The following PIGK variants were observed in gnomAD, a reference collection of about 807,000 sequenced individuals.
PIGK encodes GPI-anchor transamidase.
A neutral mutation model predicts 50.6 loss-of-function variants in PIGK; 42 were observed. The ratio of observed to expected loss-of-function variants is 0.83; its 90% CI spans 0.65 to 1.07. The LOEUF is 1.07. Ranked by LOEUF, PIGK falls within the 50% of genes least tolerant of loss-of-function variation. The pLI is 0.00. For synonymous variants in PIGK, 151 were observed against 156.0 expected, an observed-to-expected ratio of 0.97 and a Z score of 0.24; for missense variants, 448 against 488.7, an observed-to-expected ratio of 0.92 and a Z score of 0.78.
In PIGK at chr1:77,135,825, T is replaced by G. The variant is rs1048168002; in HGVS notation, c.987-13466A>C. Among the ~76,000 whole-genome samples, 3 of 152,162 alleles carry G rather than the reference T, an allele frequency of 2.0e-5. No homozygotes were observed. In the East Asian group the frequency reaches 5.8e-4, roughly 29 times the overall value. On this transcript the variant is annotated intron_variant, in intron 9 of 10. Coordinates refer to ENST00000370812, the MANE Select transcript of PIGK (RefSeq NM_005482.3). The stretch of plus-strand genomic sequence containing the variant: ...AAAAAGCTGAAACTCCAGAATACTT[T>G]AACCAATCACTTCCTCTTCTCTTAC...
At chr1:77,096,893 T>G (rs1179476934) in intron 10 of PIGK, among the ~76,000 whole-genome samples, 4 of 141,592 alleles carry the variant, frequency 2.8e-5, no homozygotes, top group Admixed American at 7.1e-5. Context: ...TTTTTTTTTT[T>G]TTTTGTTTTT....
chr1:77,098,304 G>C (rs986560732), intron 10 of PIGK, among the ~76,000 whole-genome samples: 3 of 151,990 alleles, frequency 2.0e-5, no homozygotes, highest in Admixed American at 6.6e-5. Context: ...AAGCCTAAAG[G>C]CAGTGAGTGA....
intron 10 of PIGK, among the ~76,000 whole-genome samples, chr1:77,099,258 T>A (rs1653489153): frequency 6.6e-6 from 1 of 152,202 alleles, no homozygotes; most frequent in Admixed American, 6.5e-5. Flanking sequence ...ATGTTTCCTA[T>A]AACAATATTC....
chr1:77,202,011 T>C (rs576241905), intron 3 of PIGK, among the ~76,000 whole-genome samples: 2 of 151,708 alleles, frequency 1.3e-5, no homozygotes, highest in African/African-American at 4.9e-5. Flanking sequence ...TGAGCCGTGT[T>C]TGTGTCACTG....
chr1:77,167,490 T>C (rs1168581629), intron 4 of PIGK, among the ~76,000 whole-genome samples: 1 of 152,230 alleles, frequency 6.6e-6, no homozygotes, highest in Non-Finnish European at 1.5e-5. Context: ...ACACCTGTAA[T>C]TCCAACTTCT....
intron 3 of PIGK, among the ~76,000 whole-genome samples, chr1:77,182,416 C>G (rs1438577379): frequency 6.6e-6 from 1 of 152,102 alleles, no homozygotes; most frequent in East Asian, 1.9e-4. Context: ...AAGGGTGGGT[C>G]TGCCTTTCCC....
At chr1:77,195,300 G>A in intron 3 of PIGK, 1 of 1,342,112 alleles carries the variant, frequency 7.5e-7, no homozygotes, top group Non-Finnish European at 1.1e-6. Flanking sequence ...AAGGAGCAGG[G>A]AAGAAAGGCT....
chr1:77,199,500 G>C (rs1656113224), intron 3 of PIGK, among the ~76,000 whole-genome samples: 1 of 151,844 alleles, frequency 6.6e-6, no homozygotes, highest in Non-Finnish European at 1.5e-5. Flanking sequence ...AAAACTTATT[G>C]CAGGATGGAA....
intron 10 of PIGK, among the ~76,000 whole-genome samples, chr1:77,109,956 C>T (rs938717703): frequency 3.3e-5 from 5 of 152,026 alleles, no homozygotes; most frequent in South Asian, 4.1e-4. Flanking sequence ...AGCATTCTTA[C>T]ACACCAATAA....
chr1:77,205,637 A>G (rs1013945882), intron 3 of PIGK, among the ~76,000 whole-genome samples: 4 of 152,144 alleles, frequency 2.6e-5, no homozygotes, highest in African/African-American at 9.7e-5. Flanking sequence ...TGACTTAAAG[A>G]AAAATCACCA....
chr1:77,092,604 A>C (rs1399240540), intron 10 of PIGK, 114 bp from the exon 11 acceptor site: 8 of 678,648 alleles, frequency 1.2e-5, no homozygotes, highest in African/African-American at 1.9e-5. Context: ...AATGGGGACT[A>C]GTTAGTCAAA....
chr1:77,110,532 G>A (rs36132025), intron 10 of PIGK, among the ~76,000 whole-genome samples: 6,465 of 152,240 alleles, frequency 0.042, 250 homozygotes, highest in Admixed American at 0.12. Context: ...TTTAATAAAT[G>A]GTGCTGGGAA....
chr1:77,153,280 C>T (rs772604233), intron 9 of PIGK, among the ~76,000 whole-genome samples: 3 of 152,058 alleles, frequency 2.0e-5, no homozygotes, highest in Admixed American at 6.6e-5. Context: ...ATCACATATT[C>T]TCATTCACAT....
At chr1:77,109,312 A>G (rs6696605) in intron 10 of PIGK, among the ~76,000 whole-genome samples, 35,363 of 152,174 alleles carry the variant, frequency 0.23, 5,079 homozygotes, top group Non-Finnish European at 0.32. Context: ...ACAACAAAAG[A>G]GAATTTTAGA....
At chr1:77,147,456 G>A (rs1426021442) in intron 9 of PIGK, among the ~76,000 whole-genome samples, 3 of 152,184 alleles carry the variant, frequency 2.0e-5, no homozygotes, top group African/African-American at 7.2e-5. Context: ...TGAGTGTTTA[G>A]AGTTCATAAT....
At chr1:77,163,821 T>C in intron 6 of PIGK, 25 bp downstream of exon 6, 1 of 1,318,780 alleles carries the variant, frequency 7.6e-7, no homozygotes, top group Non-Finnish European at 1.1e-6. Context: ...ATATAGCTTA[T>C]GAAAAGAAGT....
chr1:77,137,140 A>G (rs1654538209), intron 9 of PIGK, among the ~76,000 whole-genome samples: 5 of 152,216 alleles, frequency 3.3e-5, no homozygotes, highest in Admixed American at 2.6e-4. Flanking sequence ...AACGTCTTGC[A>G]TGCTTTTGGG....
chr1:77,122,214 C>T lies in PIGK; in HGVS notation c.1071+61G>A, dbSNP rs551964380. 5.5e-6 allele frequency: 6 copies of T among 1,087,906 alleles called. No homozygotes were observed. In the East Asian group the frequency reaches 1.4e-4, roughly 26 times the overall value. The allele number at this position is 1,087,906 out of a possible 1,614,324, so 67.4% of individuals were successfully genotyped here. A position where few individuals can be genotyped will look rare whatever the true frequency, so the allele number is the denominator to read the frequency against. On this transcript the variant is annotated intron_variant, in intron 10 of 10. Coordinates refer to ENST00000370812, the MANE Select transcript of PIGK (RefSeq NM_005482.3). ...TTGATTCTGAAAAACCTAACAAAAG[C>T]AATTACTTCTCAGCGATTAAAAATC...
At chr1:77,124,634 C>T (rs1654187047) in intron 9 of PIGK, among the ~76,000 whole-genome samples, 2 of 150,014 alleles carry the variant, frequency 1.3e-5, no homozygotes, top group South Asian at 4.2e-4. Context: ...AAAAAAAACA[C>T]ACACACGCAG....
Sources: allele counts gnomAD v4.1 joint callset (sites outside exome capture counted in the v4.1 genomes callset), GRCh38; gene constraint gnomAD v4.1.1; transcripts MANE v1.5; gene names NCBI Gene and HGNC (gene_info 2026-07-23, HGNC 2026-07-21).